Variants in DCAF1 observed in about 807,000 individuals in gnomAD.
DCAF1 encodes DDB1- and CUL4-associated factor 1.
A neutral mutation model predicts 128.0 loss-of-function variants in DCAF1; 15 were observed. That is an observed-to-expected ratio of 0.12 (90% CI 0.08 to 0.18). DCAF1 has a LOEUF of 0.18. Ranked by LOEUF, DCAF1 falls within the 10% of genes least tolerant of loss-of-function variation. DCAF1 has a pLI of 1.00. For synonymous variants in DCAF1, 610 were observed against 603.0 expected (o/e 1.01, Z -0.17); for missense variants, 988 against 1,649.5 (o/e 0.60, Z 6.95).
chr3:51,496,058 A>G (rs1242289233), intron 2 of DCAF1, among the ~76,000 whole-genome samples: 1 of 151,150 alleles, frequency 6.6e-6, no homozygotes, highest in African/African-American at 2.4e-5. Context: ...TTAGGAGGCC[A>G]AGGCAGGCAG....
intron 24 of DCAF1, among the ~76,000 whole-genome samples, chr3:51,399,862 C>T (rs2089520319): frequency 6.6e-6 from 1 of 152,094 alleles, no homozygotes; most frequent in Non-Finnish European, 1.5e-5. Flanking sequence ...CTGCAAATGC[C>T]CCATGTGGTA....
chr3:51,500,429 C>A (rs1322251853), upstream of DCAF1, among the ~76,000 whole-genome samples: 1 of 152,184 alleles, frequency 6.6e-6, no homozygotes, highest in Non-Finnish European at 1.5e-5. Flanking sequence ...TTTTATTTGG[C>A]CATTTGCCTT....
intron 1 of DCAF1, among the ~76,000 whole-genome samples, chr3:51,499,589 G>A (rs920977028): frequency 6.6e-6 from 1 of 151,208 alleles, no homozygotes; most frequent in Non-Finnish European, 1.5e-5. Context: ...GACACACCCC[G>A]CCCCCCCACT....
At chr3:51,494,193 C>A (rs1707984373) in intron 2 of DCAF1, among the ~76,000 whole-genome samples, 1 of 148,888 alleles carries the variant, frequency 6.7e-6, no homozygotes, top group African/African-American at 2.5e-5. Context: ...CGGCTCACTG[C>A]AAGCTCCGCC....
intron 7 of DCAF1, among the ~76,000 whole-genome samples, chr3:51,442,748 A>G (rs1701479291): frequency 2.6e-5 from 4 of 152,128 alleles, no homozygotes; most frequent in Admixed American, 1.3e-4. Context: ...TTTACTTTGA[A>G]CTGCGTTTTT....
Position 51,440,991 on chromosome 3 carries a change from C to T in DCAF1, c.1107G>A (p.Leu369=). 1 of 1,612,914 alleles carries T rather than the reference C, an allele frequency of 6.2e-7. No homozygotes were observed. Among genetic ancestry groups the T allele is most frequent in the Non-Finnish European group, 8.5e-7 (1 of 1,179,438 alleles). The change falls in exon 9 of 25, where the codon CTG becomes CTA. Residue 369 remains leucine, a synonymous_variant. Transcript: ENST00000684031. ...TTACCTTTAGTGCCTCAAATGTAAG[C>T]AGGACATCATTAGTTTGCTTCAGGT... ...YIDLKQTNDV[L]LTFEALKHLA...
chr3:51,447,942 G>C (rs934791140), intron 6 of DCAF1, among the ~76,000 whole-genome samples: 1 of 151,506 alleles, frequency 6.6e-6, no homozygotes, highest in African/African-American at 2.4e-5. Context: ...GCAAGACTCT[G>C]ACTCAATTAA....
At chr3:51,495,817 G>A (rs966827661) in intron 2 of DCAF1, among the ~76,000 whole-genome samples, 2 of 152,044 alleles carry the variant, frequency 1.3e-5, no homozygotes, top group East Asian at 1.9e-4. Context: ...ACGGAATCTC[G>A]CTCTGCTGCC....
chr3:51,485,623 T>G (rs1340318159), intron 2 of DCAF1, among the ~76,000 whole-genome samples: 1 of 152,206 alleles, frequency 6.6e-6, no homozygotes, highest in Non-Finnish European at 1.5e-5. Context: ...CATAAAGAGT[T>G]TCACATCAGA....
chr3:51,492,737 G>A (rs577629375), intron 2 of DCAF1, among the ~76,000 whole-genome samples: 1 of 152,256 alleles, frequency 6.6e-6, no homozygotes, highest in African/African-American at 2.4e-5. Context: ...GCTCATGCTT[G>A]CAATCTCAGC....
chr3:51,401,231 G>A (rs2089675627), intron 24 of DCAF1, among the ~76,000 whole-genome samples: 1 of 151,964 alleles, frequency 6.6e-6, no homozygotes, highest in South Asian at 2.1e-4. Context: ...CAGACTCCAG[G>A]GCCTACGTAA....
At chr3:51,449,153 A>G (rs1702137184) in intron 6 of DCAF1, among the ~76,000 whole-genome samples, 1 of 152,212 alleles carries the variant, frequency 6.6e-6, no homozygotes, top group Non-Finnish European at 1.5e-5. Context: ...AAACACAACC[A>G]TACCAAAACC....
At chr3:51,412,311 C>T (rs1004115951) in intron 23 of DCAF1, 68 bp downstream of exon 23, 5 of 1,602,548 alleles carry the variant, frequency 3.1e-6, no homozygotes, top group Non-Finnish European at 4.3e-6. Context: ...AAACCTCCTA[C>T]AGCAAAAAGC....
chr3:51,481,629 G>A (rs1706209513), intron 3 of DCAF1, among the ~76,000 whole-genome samples: 1 of 151,938 alleles, frequency 6.6e-6, no homozygotes, highest in Admixed American at 6.6e-5. Context: ...TAGGAGGTGG[G>A]GGTTGCAGTG....
chr3:51,419,829 T>C lies in DCAF1; in HGVS notation c.3141A>G (p.Pro1047=). The C allele has an allele frequency of 2.5e-6, 4 of 1,614,070 alleles. No homozygotes were observed. Among genetic ancestry groups the C allele is most frequent in the Non-Finnish European group, 3.4e-6 (4 of 1,179,906 alleles). ...CPEPKQRRQA[P]INFTSRLNRR... ...GGTTTAGCCTTGACGTAAAGTTTAT[T>C]GGCGCTTGCCGCCTCTGTTTTGGCT... is the stretch of plus-strand genomic sequence containing the variant. Residue 1047 remains proline, a synonymous_variant, in exon 15 of 25, where the codon CCA becomes CCG. Transcript: ENST00000684031.
chr3:51,483,671 G>T (rs941498265), intron 3 of DCAF1, 48 bp downstream of exon 3: 4 of 1,191,810 alleles, frequency 3.4e-6, no homozygotes, highest in South Asian at 2.4e-5. Context: ...CGTATGAGTT[G>T]TGTCCGAGGT....
At chr3:51,439,111 A>G (rs1239525418) in intron 9 of DCAF1, among the ~76,000 whole-genome samples, 1 of 151,564 alleles carries the variant, frequency 6.6e-6, no homozygotes, top group African/African-American at 2.4e-5. Context: ...CCCCTGTGAA[A>G]CCTTTACTGA....
intron 5 of DCAF1, among the ~76,000 whole-genome samples, chr3:51,465,344 T>C (rs1284787213): frequency 6.6e-6 from 1 of 152,088 alleles, no homozygotes; most frequent in Non-Finnish European, 1.5e-5. Context: ...ATTCGAGGTG[T>C]ATATGGGAGA....
At chr3:51,424,622 CA>C (rs1280668490) in intron 13 of DCAF1, among the ~76,000 whole-genome samples, 1 of 151,916 alleles carries the variant, frequency 6.6e-6, no homozygotes, top group African/African-American at 2.4e-5. Context: ...AAAAACCAAA[CA>C]AAAACACTAA....
Sources: gnomAD v4.1 joint callset for allele counts (sites outside exome capture counted in the v4.1 genomes callset) on GRCh38, gnomAD v4.1.1 for gene constraint, MANE v1.5 for transcripts, NCBI Gene and HGNC (gene_info 2026-07-23, HGNC 2026-07-21) for gene names.